The following PCBP2 variants were observed in gnomAD, a reference collection of about 807,000 sequenced individuals.
PCBP2 encodes poly(rC)-binding protein 2.
PCBP2 carries 4 observed loss-of-function variants against 50.1 expected under a neutral mutation model. The observed-to-expected ratio is 0.08, with a 90% confidence interval of 0.04 to 0.18. The LOEUF (loss-of-function observed/expected upper bound fraction) is 0.18. Among genes scored for constraint, PCBP2 ranks in the 10% least tolerant of loss-of-function variants. The pLI, the probability that PCBP2 is intolerant of heterozygous loss-of-function variation, is 1.00. For synonymous variants in PCBP2, 179 were observed against 168.0 expected, an observed-to-expected ratio of 1.07 and a Z score of -0.51; for missense variants, 161 against 474.3, an observed-to-expected ratio of 0.34 and a Z score of 6.14.
rs1942937355 is a variant in PCBP2, at chr12:53,479,761, A to C, written c.*319A>C. On this transcript the variant is annotated 3_prime_UTR_variant, in exon 15 of 15. Transcript: ENST00000546463. ...CATTTCAGTTTAGTTCTGTAATGTC[A>C]GGAATTTTTCAAAAAAATTAAAAGA... is the stretch of plus-strand genomic sequence containing the variant. The C allele has an allele frequency of 5.2e-6, 1 of 193,362 alleles. No homozygotes were observed. Among genetic ancestry groups the C allele is most frequent in the African/African-American group, 2.5e-5 (1 of 39,730 alleles). The allele number at this position is 193,362 out of a possible 1,614,324, so 12.0% of individuals were successfully genotyped here.
chr12:53,452,542 C>T (rs1364744920), intron 1 of PCBP2, among the ~76,000 whole-genome samples, 166 bp downstream of exon 1: 1 of 151,448 alleles, frequency 6.6e-6, no homozygotes, highest in Non-Finnish European at 1.5e-5. Context: ...GAGGCCCTGG[C>T]TCTGGCGCGG....
intron 12 of PCBP2, 153 bp downstream of exon 12, chr12:53,467,996 G>A (rs1396662413): frequency 6.1e-6 from 4 of 654,378 alleles, no homozygotes; most frequent in Non-Finnish European, 1.1e-5. Context: ...AGCCCCCGAG[G>A]GTCCCTTGAT....
intron 13 of PCBP2, among the ~76,000 whole-genome samples, chr12:53,470,308 C>T (rs1427882027): frequency 7.7e-6 from 1 of 129,876 alleles, no homozygotes; most frequent in East Asian, 2.7e-4. Context: ...ACCTGGGAGG[C>T]GGAGGTTGCA....
At chr12:53,456,106 C>CT in intron 5 of PCBP2, 105 bp downstream of exon 5, 1 of 744,474 alleles carries the variant, frequency 1.3e-6, no homozygotes, top group Non-Finnish European at 2.4e-6. Context: ...GACCTTGAGA[C>CT]TCGCTGTAAA....
At chr12:53,475,506 A>G (rs1025400529) in intron 14 of PCBP2, 2 of 235,612 alleles carry the variant, frequency 8.5e-6, no homozygotes, top group African/African-American at 2.4e-5. Flanking sequence ...CAATATAACA[A>G]TGTGTTAGGC....
At chr12:53,458,298 TTTTTGTTTTTG>T (rs745594233) in intron 5 of PCBP2, among the ~76,000 whole-genome samples, 12 of 118,700 alleles carry the variant, frequency 1.0e-4, no homozygotes, top group South Asian at 2.9e-4. Flanking sequence ...TTCGTTTTTG[TTTTTGTTTTTG>T]TTTTGTTTTG....
At chr12:53,464,973 G>T in intron 9 of PCBP2, 121 bp downstream of exon 9, 4 of 1,297,972 alleles carry the variant, frequency 3.1e-6, no homozygotes, top group Non-Finnish European at 2.0e-6. Context: ...ACCTGTCCAC[G>T]GGGACCTGGA....
At chr12:53,459,197 A>G (rs1245469592) in intron 5 of PCBP2, 75 bp from the exon 6 acceptor site, 6 of 1,269,766 alleles carry the variant, frequency 4.7e-6, no homozygotes, top group African/African-American at 1.5e-5. Flanking sequence ...TTACCCTAAT[A>G]AGGGTAAGTG....
chr12:53,459,944 A>G, intron 6 of PCBP2: 1 of 442,074 alleles, frequency 2.3e-6, no homozygotes, highest in Non-Finnish European at 4.6e-6. Context: ...TTTTTTGTAA[A>G]AATGGTGTTT....
At chr12:53,456,568 T>TA (rs1005925677) in intron 5 of PCBP2, among the ~76,000 whole-genome samples, 1 of 152,186 alleles carries the variant, frequency 6.6e-6, no homozygotes, top group Non-Finnish European at 1.5e-5. Flanking sequence ...ATTGCTTTGG[T>TA]AAAAGGCTTG....
rs1311626463 is a variant in PCBP2, at chr12:53,481,148, A to G, written c.*1706A>G. 1.0e-6 allele frequency: 1 copy of G among 984,678 alleles called. No individual in the cohort carries two copies. The highest frequency in any genetic ancestry group is 1.3e-6 in the Non-Finnish European group (1 of 742,980). 61.0% of individuals were successfully genotyped at this position (984,678 alleles called of 1,614,324 possible). On this transcript the variant is annotated 3_prime_UTR_variant, in exon 15 of 15. Coordinates refer to ENST00000546463, the MANE Select transcript of PCBP2 (RefSeq NM_031989.5). ...ATGTATATATATATAATTTATATAA[A>G]TATTTCTCTATGTACAAGGAATACG...
At position 53,464,673 on chromosome 12, in the gene PCBP2, A is replaced by G. The variant is rs1212657162; in HGVS notation, c.580-87A>G. On this transcript the variant is annotated intron_variant, in intron 8 of 14. Transcript: ENST00000546463. ...TTTTTAAAGGAAAAAGGAAAAAAAT[A>G]AACAACTTTTTTTGTGTGAATTTCA... 6 of 1,531,288 alleles carry G rather than the reference A, an allele frequency of 3.9e-6. No homozygotes were observed. The East Asian group carries it at 1.2e-4, about 32-fold the overall frequency. The allele number at this position is 1,531,288 out of a possible 1,614,324, so 94.9% of individuals were successfully genotyped here.
In PCBP2 at chr12:53,459,480, TA is replaced by T. The variant is rs1335580304; in HGVS notation, c.375+78del. 21 of 1,346,012 alleles carry T rather than the reference TA, an allele frequency of 1.6e-5. No homozygotes were observed. In the African/African-American group the frequency reaches 2.9e-4, roughly 19 times the overall value. The allele number at this position is 1,346,012 out of a possible 1,614,324, so 83.4% of individuals were successfully genotyped here. A position where few individuals can be genotyped will look rare whatever the true frequency, so the allele number is the denominator to read the frequency against. ...GGCTCTTTGTATGGCTAGGAAAAGT[TA>T]GCAATGAGATGAAGATTTTTATTGA... On this transcript the variant is annotated intron_variant, in intron 6 of 14. Transcript: ENST00000546463.
intron 14 of PCBP2, among the ~76,000 whole-genome samples, chr12:53,473,053 C>T (rs1361804802): frequency 6.6e-6 from 1 of 152,044 alleles, no homozygotes; most frequent in African/African-American, 2.4e-5. Context: ...GATATGCCTC[C>T]CAAAGTGCTG....
intron 6 of PCBP2, chr12:53,460,607 C>G (rs771292085): frequency 4.7e-6 from 1 of 214,650 alleles, no homozygotes; most frequent in African/African-American, 2.4e-5. Context: ...TTGTTAATTG[C>G]TATATTCGAA....
chr12:53,453,342 T>TAAAAAAAG, intron 1 of PCBP2: 1 of 152,182 alleles, frequency 6.6e-6, no homozygotes, highest in Non-Finnish European at 1.5e-5. Flanking sequence ...AAGTCATTCT[T>TAAAAAAAG]ACAGACCTAA....
At chr12:53,467,073 G>A (rs1468403607) in intron 10 of PCBP2, 148 bp from the exon 11 acceptor site, 12 of 613,250 alleles carry the variant, frequency 2.0e-5, no homozygotes, top group Non-Finnish European at 3.5e-5. Flanking sequence ...CCCCAGGATT[G>A]TGATGCAAGC....
At chr12:53,465,794 A>G (rs1053018192) in intron 9 of PCBP2, 138 bp from the exon 10 acceptor site, 9 of 684,886 alleles carry the variant, frequency 1.3e-5, no homozygotes, top group African/African-American at 1.1e-4. Context: ...GTGAGATTCC[A>G]TCTACTGCCT....
intron 8 of PCBP2, among the ~76,000 whole-genome samples, chr12:53,464,311 ACCCTCCCT>A (rs1164067009): frequency 7.3e-5 from 3 of 41,104 alleles, no homozygotes; most frequent in Non-Finnish European, 9.6e-5. Context: ...TTCCCTACCC[ACCCTCCCT>A]CCCTCCCTCC....
Sources: gnomAD v4.1 joint callset for allele counts (sites outside exome capture counted in the v4.1 genomes callset) on GRCh38, gnomAD v4.1.1 for gene constraint, MANE v1.5 for transcripts, NCBI Gene and HGNC (gene_info 2026-07-23, HGNC 2026-07-21) for gene names.